CSMD1: variants seen among roughly 807,000 people sequenced by gnomAD.
The protein encoded by CSMD1 is CUB and sushi domain-containing protein 1.
Under a neutral mutation model 417.5 loss-of-function variants are expected in CSMD1, and 213 were observed. The observed-to-expected ratio is 0.51, with a 90% CI of 0.46 to 0.57. The LOEUF (loss-of-function observed/expected upper bound fraction) is 0.57, where lower values mean the gene tolerates loss of function less well. CSMD1 is among the 20% of genes least tolerant of loss of function. The probability of loss-of-function intolerance (pLI) is 0.00; values close to 1 mark genes in which losing one functional copy is unlikely to be tolerated. For synonymous variants in CSMD1, 2,862 were observed against 1,736.8 expected, an observed-to-expected ratio of 1.65 and a Z score of -16.11; for missense variants, 6,923 against 4,529.7, an observed-to-expected ratio of 1.53 and a Z score of -15.17.
intron 5 of CSMD1, among the ~76,000 whole-genome samples, chr8:3,831,808 T>C (rs868177541): frequency 2.6e-5 from 4 of 152,192 alleles, no homozygotes; most frequent in Admixed American, 2.0e-4. Flanking sequence ...GACTGTGAAA[T>C]GCTGCCCATC....
At chr8:3,346,777 T>C (rs535529200) in intron 22 of CSMD1, among the ~76,000 whole-genome samples, 14 of 152,340 alleles carry the variant, frequency 9.2e-5, no homozygotes, top group Admixed American at 2.6e-4. Flanking sequence ...AGAAGTCTCA[T>C]AGTTCAAAGT....
chr8:3,938,560 A>G (rs1045207317), intron 5 of CSMD1, among the ~76,000 whole-genome samples: 6 of 152,146 alleles, frequency 3.9e-5, no homozygotes, highest in African/African-American at 1.2e-4. Flanking sequence ...CGATGCTACC[A>G]ATGCATCTCT....
chr8:4,662,351 T>C (rs996609262), intron 1 of CSMD1, among the ~76,000 whole-genome samples: 5 of 152,196 alleles, frequency 3.3e-5, no homozygotes, highest in Non-Finnish European at 7.3e-5. Flanking sequence ...GGGGGCGATT[T>C]ATAGGAACAT....
chr8:4,430,553 A>G (rs991597292), intron 2 of CSMD1, among the ~76,000 whole-genome samples: 13 of 152,150 alleles, frequency 8.5e-5, no homozygotes, highest in Non-Finnish European at 1.6e-4. Context: ...CTCTAATAAA[A>G]GTTACTCTGG....
intron 50 of CSMD1, among the ~76,000 whole-genome samples, chr8:3,030,214 T>C (rs1027455675): frequency 3.3e-5 from 5 of 152,056 alleles, no homozygotes; most frequent in African/African-American, 7.2e-5. Context: ...TCAAGGACTT[T>C]CTAAATATAC....
chr8:3,048,190 C>A (rs1399230997), intron 50 of CSMD1, among the ~76,000 whole-genome samples: 2 of 152,002 alleles, frequency 1.3e-5, no homozygotes, highest in African/African-American at 4.8e-5. Context: ...GACCTAAAAT[C>A]AAATAGGTCA....
intron 18 of CSMD1, among the ~76,000 whole-genome samples, chr8:3,383,696 CACA>C (rs1351892597): frequency 1.1e-4 from 9 of 82,950 alleles, no homozygotes; most frequent in African/African-American, 3.9e-4. Flanking sequence ...TAAATATTTA[CACA>C]ACACCTATAA....
intron 10 of CSMD1, among the ~76,000 whole-genome samples, chr8:3,518,746 G>A (rs950138907): frequency 6.6e-6 from 1 of 152,072 alleles, no homozygotes; most frequent in Admixed American, 6.5e-5. Context: ...ATGTGGAGAA[G>A]AACAGTTCAT....
chr8:3,032,861 T>G (rs1381647506), intron 50 of CSMD1, among the ~76,000 whole-genome samples: 1 of 152,080 alleles, frequency 6.6e-6, no homozygotes, highest in Non-Finnish European at 1.5e-5. Flanking sequence ...AACACTGATC[T>G]CTTTATATAC....
At chr8:3,846,071 A>AT (rs1393570332) in intron 5 of CSMD1, among the ~76,000 whole-genome samples, 1 of 146,770 alleles carries the variant, frequency 6.8e-6, no homozygotes, top group Non-Finnish European at 1.5e-5. Flanking sequence ...TAAAAAAAAA[A>AT]TAATAAGCAG....
chr8:4,621,720 AC>A (rs1801789935), intron 2 of CSMD1, among the ~76,000 whole-genome samples: 1 of 152,074 alleles, frequency 6.6e-6, no homozygotes, highest in African/African-American at 2.4e-5. Flanking sequence ...TAAAAAGGCT[AC>A]AAAAAAGGGA....
intron 5 of CSMD1, among the ~76,000 whole-genome samples, chr8:3,811,016 T>C (rs536313474): frequency 1.3e-5 from 2 of 152,222 alleles, no homozygotes; most frequent in African/African-American, 4.8e-5. Context: ...TTCCATCCGT[T>C]TGATCACTCC....
chr8:4,266,283 T>A (rs1804219432), intron 3 of CSMD1, among the ~76,000 whole-genome samples: 1 of 105,356 alleles, frequency 9.5e-6, no homozygotes, highest in Admixed American at 9.0e-5. Context: ...TTTTATAAAT[T>A]TTTGTTTTCT....
intron 5 of CSMD1, among the ~76,000 whole-genome samples, chr8:3,924,791 C>T (rs892941228): frequency 3.3e-5 from 5 of 152,052 alleles, no homozygotes; most frequent in South Asian, 2.1e-4. Flanking sequence ...ACTCTCTATT[C>T]GTGTTATCCT....
At chr8:4,268,818 G>C (rs972777344) in intron 3 of CSMD1, among the ~76,000 whole-genome samples, 18 of 151,352 alleles carry the variant, frequency 1.2e-4, no homozygotes, top group African/African-American at 2.4e-5. Flanking sequence ...ATGGTTAATA[G>C]CCCCCAAGTA....
At chr8:3,149,182 C>T (rs1056931842) in intron 40 of CSMD1, among the ~76,000 whole-genome samples, 1 of 151,974 alleles carries the variant, frequency 6.6e-6, no homozygotes, top group Non-Finnish European at 1.5e-5. Context: ...ATTATTCTCT[C>T]GCACAATAGT....
At chr8:4,168,686 G>A (rs916766102) in intron 3 of CSMD1, among the ~76,000 whole-genome samples, 3 of 152,196 alleles carry the variant, frequency 2.0e-5, no homozygotes, top group South Asian at 4.1e-4. Context: ...AAAAAATGCT[G>A]TTATTAATTC....
intron 26 of CSMD1, among the ~76,000 whole-genome samples, chr8:3,247,850 A>G (rs929343258): frequency 5.9e-5 from 9 of 152,220 alleles, no homozygotes; most frequent in Non-Finnish European, 7.3e-5. Context: ...GGCAATGTCA[A>G]TAATTCACAA....
intron 5 of CSMD1, among the ~76,000 whole-genome samples, chr8:3,867,656 C>G (rs934187485): frequency 6.6e-6 from 1 of 152,036 alleles, no homozygotes; most frequent in Admixed American, 6.5e-5. Flanking sequence ...TGTATAGTAT[C>G]TTGGTTAATC....
Sources: allele counts gnomAD v4.1 joint callset (sites outside exome capture counted in the v4.1 genomes callset), GRCh38; gene constraint gnomAD v4.1.1; transcripts MANE v1.5; gene names NCBI Gene and HGNC (gene_info 2026-07-23, HGNC 2026-07-21).